The following ANKRD26 variants were observed in gnomAD, a reference collection of about 807,000 sequenced individuals.
The protein encoded by ANKRD26 is ankyrin repeat domain 26.
Under a neutral mutation model 208.7 loss-of-function variants are expected in ANKRD26, and 141 were observed. The ratio of observed to expected loss-of-function variants is 0.68; its 90% confidence interval spans 0.59 to 0.78. The LOEUF (loss-of-function observed/expected upper bound fraction) is 0.78, where lower values mean the gene tolerates loss of function less well. Ranked by LOEUF, ANKRD26 falls within the 30% of genes least tolerant of loss-of-function variation. The pLI, the probability that ANKRD26 is intolerant of heterozygous loss-of-function variation, is 0.00. For missense variants in ANKRD26, 1,889 were observed against 1,938.7 expected (o/e 0.97, Z 0.48); for synonymous variants, 636 against 660.4 (o/e 0.96, Z 0.57).
chr10:27,086,112 C>T (rs180730055), intron 5 of ANKRD26, among the ~76,000 whole-genome samples: 3 of 152,192 alleles, frequency 2.0e-5, no homozygotes, highest in Admixed American at 6.5e-5. Context: ...TCCTAATATG[C>T]ACGTTGCTCA....
At chr10:27,033,517 C>T (rs531174387) in intron 24 of ANKRD26, 140 bp from the exon 25 acceptor site, 1 of 851,816 alleles carries the variant, frequency 1.2e-6, no homozygotes, top group Non-Finnish European at 1.8e-6. Context: ...ACCTTCTTGT[C>T]CTCATATGTA....
chr10:27,046,580 A>C, intron 17 of ANKRD26, 57 bp from the exon 18 acceptor site: 1 of 1,531,104 alleles, frequency 6.5e-7, no homozygotes, highest in Non-Finnish European at 9.0e-7. Context: ...AAAAGAAACA[A>C]CATGCAGAAA....
downstream of ANKRD26, among the ~76,000 whole-genome samples, chr10:27,001,495 G>A (rs2052724494): frequency 6.6e-6 from 1 of 152,204 alleles, no homozygotes; most frequent in Non-Finnish European, 1.5e-5. Context: ...ACTTGAGGTG[G>A]TGGTGTCTGA....
At chr10:27,071,638 C>T (rs1458146285) in intron 9 of ANKRD26, among the ~76,000 whole-genome samples, 1 of 152,104 alleles carries the variant, frequency 6.6e-6, no homozygotes. Flanking sequence ...AGAAGCAACA[C>T]AGGACCTTAA....
chr10:27,061,214 A>G lies in ANKRD26; in HGVS notation c.1392T>C (p.Ser464=), dbSNP rs568158743. 3.7e-6 allele frequency: 6 copies of G among 1,609,814 alleles called. No homozygotes were observed. In the South Asian group the frequency reaches 6.6e-5, roughly 18 times the overall value. ...EDVFYIPSCM[S]GSRNFKMAKL... is the part of the protein sequence containing the mutation. ...TAGCCATCTTAAAGTTTCTTGATCC[A>G]CTCATGCAAGAAGGTATATAAAACA... is the stretch of plus-strand genomic sequence containing the variant. Residue 464 remains serine (S), a synonymous_variant, in exon 13 of 34, where the codon AGT becomes AGC. Transcript: ENST00000376087.
intron 24 of ANKRD26, among the ~76,000 whole-genome samples, chr10:27,034,093 T>C (rs1175601440): frequency 6.6e-6 from 1 of 152,226 alleles, no homozygotes; most frequent in Admixed American, 6.5e-5. Context: ...TATTTGCTCA[T>C]AATATATTCA....
chr10:27,037,315 T>C lies in ANKRD26; in HGVS notation c.2568A>G (p.Gln856=). The change falls in exon 23 of 34, where the codon CAA becomes CAG. Residue 856 remains glutamine, a synonymous_variant. Transcript: ENST00000376087. ...GTTGCCTCTGAGCGTCATTTCGCTCTTGAACGACCTAGAGATACATTAAGT... is the reference window on the plus strand; with the variant it reads ...GTTGCCTCTGAGCGTCATTTCGCTCCTGAACGACCTAGAGATACATTAAGT... ...TVKSNLNQVV[Q]ERNDAQRQLS... is the part of the protein sequence containing the mutation. 2 of 1,613,864 alleles carry C rather than the reference T, an allele frequency of 1.2e-6. No homozygotes were observed. The highest frequency in any genetic ancestry group is 1.1e-5 in the South Asian group (1 of 91,066).
intron 32 of ANKRD26, among the ~76,000 whole-genome samples, chr10:27,012,062 A>G (rs2053131424): frequency 6.6e-6 from 1 of 152,240 alleles, no homozygotes; most frequent in Non-Finnish European, 1.5e-5. Context: ...TTAATTCATA[A>G]GAAGTATTTA....
chr10:27,012,769 A>C, intron 32 of ANKRD26, 113 bp downstream of exon 32: 1 of 996,770 alleles, frequency 1.0e-6, no homozygotes. Flanking sequence ...CCAAGATGGC[A>C]CCACTGCACT....
At chr10:27,093,007 C>T (rs895880729) in intron 3 of ANKRD26, among the ~76,000 whole-genome samples, 6 of 151,804 alleles carry the variant, frequency 4.0e-5, no homozygotes, top group South Asian at 2.1e-4. Flanking sequence ...TGCTTGAACC[C>T]GGGAGGCAGA....
chr10:27,064,110 T>C, intron 11 of ANKRD26, 29 bp from the exon 12 acceptor site: 1 of 1,438,980 alleles, frequency 6.9e-7, no homozygotes, highest in Non-Finnish European at 9.7e-7. Flanking sequence ...ATAATGAGTT[T>C]CAATTTTACA....
intron 12 of ANKRD26, 51 bp from the exon 13 acceptor site, chr10:27,061,293 G>A (rs2055046232): frequency 7.9e-7 from 1 of 1,267,258 alleles, no homozygotes; most frequent in African/African-American, 1.5e-5. Context: ...TTATCAAAAG[G>A]AAAAAATTTA....
At chr10:27,059,735 A>T (rs560744954) in intron 15 of ANKRD26, among the ~76,000 whole-genome samples, 1 of 150,974 alleles carries the variant, frequency 6.6e-6, no homozygotes, top group African/African-American at 2.4e-5. Flanking sequence ...ACATGGTGAA[A>T]CCCTGTCTCT....
intron 1 of ANKRD26, among the ~76,000 whole-genome samples, chr10:27,097,911 C>G (rs2056521217): frequency 6.6e-6 from 1 of 152,194 alleles, no homozygotes; most frequent in African/African-American, 2.4e-5. Context: ...CCTCAGCCTC[C>G]CAAAGTGCTG....
downstream of ANKRD26, among the ~76,000 whole-genome samples, chr10:26,971,590 C>A (rs148503211): frequency 2.0e-5 from 3 of 149,500 alleles, no homozygotes; most frequent in African/African-American, 7.4e-5. Context: ...GCAGGAGAAT[C>A]GCTTGAACTC....
At chr10:27,027,619 G>A (rs2053707258) in intron 27 of ANKRD26, among the ~76,000 whole-genome samples, 1 of 152,100 alleles carries the variant, frequency 6.6e-6, no homozygotes, top group Admixed American at 6.6e-5. Flanking sequence ...TTAATGTTAT[G>A]AATTCAGTCA....
At chr10:26,992,969 T>C (rs539981471) in intron 5 of ANKRD26, among the ~76,000 whole-genome samples, 1 of 152,316 alleles carries the variant, frequency 6.6e-6, no homozygotes, top group Admixed American at 6.5e-5. Context: ...AGCACAGCTT[T>C]CCTCATTAGT....
downstream of ANKRD26, among the ~76,000 whole-genome samples, chr10:26,973,649 C>CTTTTTTTTTTTTTTTTTTTTTTTTTCTTT (rs71386903): frequency 1.4e-4 from 12 of 88,426 alleles, no homozygotes; most frequent in East Asian, 3.9e-4. Context: ...TTTATTTGTC[C>CTTTTTTTTTTTTTTTTTTTTTTTTTCTTT]TTTTTTTTTT....
At chr10:27,044,217 A>T in intron 18 of ANKRD26, 27 bp from the exon 19 acceptor site, 1 of 1,425,316 alleles carries the variant, frequency 7.0e-7, no homozygotes, top group Non-Finnish European at 9.6e-7. Flanking sequence ...CCTTTCAGGC[A>T]AATAGTAAAC....
Sources: gnomAD v4.1 joint callset for allele counts (sites outside exome capture counted in the v4.1 genomes callset) on GRCh38, gnomAD v4.1.1 for gene constraint, MANE v1.5 for transcripts, NCBI Gene and HGNC (gene_info 2026-07-23, HGNC 2026-07-21) for gene names.